BMX: variants seen among roughly 807,000 people sequenced by gnomAD.
The protein encoded by BMX is BMX non-receptor tyrosine kinase.
Under a neutral mutation model 59.2 loss-of-function variants are expected in BMX, and 31 were observed. The ratio of observed to expected loss-of-function variants is 0.52; its 90% confidence interval spans 0.39 to 0.71. The LOEUF (loss-of-function observed/expected upper bound fraction) is 0.71. Among genes scored for constraint, BMX ranks in the 30% least tolerant of loss-of-function variants. The pLI is 0.00. For missense variants in BMX, 474 were observed against 491.7 expected, an observed-to-expected ratio of 0.96 and a Z score of 0.34; for synonymous variants, 185 against 181.0, an observed-to-expected ratio of 1.02 and a Z score of -0.18.
At chrX:15,547,031 A>C in intron 17 of BMX, 110 bp downstream of exon 17, 1 of 614,568 alleles carries the variant, frequency 1.6e-6, no homozygotes, top group Admixed American at 3.0e-5. Context: ...AACACTTACG[A>C]AGTTACACAT....
At chrX:15,508,521 T>C (rs755435627) in intron 2 of BMX, 30 bp downstream of exon 2, 1 of 1,084,564 alleles carries the variant, frequency 9.2e-7, no homozygotes, top group Non-Finnish European at 1.2e-6. Flanking sequence ...ATTATTTTTA[T>C]ACTATTTATT....
Position 15,500,852 on chromosome X carries a change from T to A in BMX, c.-98T>A. The A allele has an allele frequency of 4.0e-6, 3 of 754,008 alleles. No homozygotes were observed. The highest frequency in any genetic ancestry group is 4.7e-6 in the Non-Finnish European group (3 of 639,346). 62.1% of individuals were successfully genotyped at this position (754,008 alleles called of 1,213,427 possible). A position where few individuals can be genotyped will look rare whatever the true frequency, so the allele number is the denominator to read the frequency against. On this transcript the variant is annotated 5_prime_UTR_variant, in exon 1 of 19. Transcript: ENST00000348343. ...CCAGGAAAATGTGAAACAATTTGCT[T>A]CTGGAAACAGGACAGCCGGGGCCGT...
intron 14 of BMX, among the ~76,000 whole-genome samples, chrX:15,540,141 T>C (rs1925587579): frequency 8.9e-6 from 1 of 112,152 alleles, no homozygotes; most frequent in African/African-American, 3.2e-5. Context: ...CATATGTGTA[T>C]TGCAGCACTA....
At chrX:15,549,655 A>G (rs939256754) in intron 17 of BMX, among the ~76,000 whole-genome samples, 185 bp from the exon 18 acceptor site, 6 of 112,221 alleles carry the variant, frequency 5.3e-5, no homozygotes, top group Non-Finnish European at 7.5e-5. Context: ...CCCAGGCTCC[A>G]GAAGCAATGG....
chrX:15,550,336 C>T, intron 18 of BMX, among the ~76,000 whole-genome samples: 1 of 111,163 alleles, frequency 9.0e-6, no homozygotes, highest in Non-Finnish European at 1.9e-5. Context: ...GGTCACATAG[C>T]TAGTAAGAAG....
intron 1 of BMX, chrX:15,507,256 T>G: frequency 1.2e-5 from 8 of 640,664 alleles, no homozygotes; most frequent in Non-Finnish European, 1.5e-5. Flanking sequence ...TCAAGACTGA[T>G]GAGTGGGATG....
chrX:15,525,810 C>T (rs1243816920), intron 8 of BMX, among the ~76,000 whole-genome samples: 1 of 112,293 alleles, frequency 8.9e-6, no homozygotes, highest in African/African-American at 3.2e-5. Flanking sequence ...TGGGGATCTC[C>T]TGTATCAAAG....
chrX:15,525,938 T>G, intron 8 of BMX, 104 bp from the exon 9 acceptor site: 1 of 658,028 alleles, frequency 1.5e-6, no homozygotes, highest in Non-Finnish European at 2.4e-6. Flanking sequence ...CTAAATGTTA[T>G]TTAGGTGGAT....
intron 4 of BMX, among the ~76,000 whole-genome samples, chrX:15,513,559 G>A (rs928138482): frequency 9.0e-6 from 1 of 111,711 alleles, no homozygotes; most frequent in Admixed American, 9.5e-5. Flanking sequence ...TGCCTTTTGT[G>A]TCTATTATTT....
At chrX:15,554,218 T>C (rs1169151520) in intron 18 of BMX, among the ~76,000 whole-genome samples, 1 of 112,377 alleles carries the variant, frequency 8.9e-6, no homozygotes, top group Non-Finnish European at 1.9e-5. Flanking sequence ...AGGCGTTGCC[T>C]CACTAGCAAT....
At chrX:15,510,394 G>A (rs1365822444) in intron 3 of BMX, among the ~76,000 whole-genome samples, 1 of 111,589 alleles carries the variant, frequency 9.0e-6, no homozygotes, top group Admixed American at 9.5e-5. Flanking sequence ...AATATTACCA[G>A]GCCAGGCACA....
At chrX:15,507,941 C>T (rs973426116) in intron 1 of BMX, among the ~76,000 whole-genome samples, 2 of 111,155 alleles carry the variant, frequency 1.8e-5, no homozygotes, top group Non-Finnish European at 1.9e-5. Flanking sequence ...AATTACAGGC[C>T]GTTACTTCAT....
chrX:15,541,385 T>G (rs1179489658), intron 14 of BMX, among the ~76,000 whole-genome samples: 1 of 110,839 alleles, frequency 9.0e-6, no homozygotes, highest in Admixed American at 9.6e-5. Flanking sequence ...TAAAAAAAAA[T>G]CTGAGTGTCC....
At chrX:15,519,139 A>C (rs761273374) in intron 6 of BMX, among the ~76,000 whole-genome samples, 5 of 111,746 alleles carry the variant, frequency 4.5e-5, no homozygotes, top group South Asian at 3.8e-4. Flanking sequence ...GAGCCTCCTC[A>C]AATGCCAGGA....
At chrX:15,502,905 C>G (rs1292140586) in intron 1 of BMX, among the ~76,000 whole-genome samples, 1 of 111,529 alleles carries the variant, frequency 9.0e-6, no homozygotes, top group African/African-American at 3.3e-5. Flanking sequence ...TCCCACCCCA[C>G]TTGGAGCGTC....
intron 14 of BMX, among the ~76,000 whole-genome samples, chrX:15,541,705 C>T (rs748979268): frequency 2.7e-5 from 3 of 111,622 alleles, no homozygotes; most frequent in African/African-American, 9.7e-5. Context: ...ACCATTGCTA[C>T]CCTGATTCTC....
At chrX:15,512,491 A>G (rs1006725390) in intron 4 of BMX, among the ~76,000 whole-genome samples, 1 of 111,664 alleles carries the variant, frequency 9.0e-6, no homozygotes, top group African/African-American at 3.3e-5. Flanking sequence ...CCTTTGCATA[A>G]AAAGGTTTAG....
At chrX:15,520,197 A>G (rs1322867189) in intron 6 of BMX, among the ~76,000 whole-genome samples, 1 of 112,545 alleles carries the variant, frequency 8.9e-6, no homozygotes, top group Non-Finnish European at 1.9e-5. Flanking sequence ...TGGTAGCCCT[A>G]GGAAACAATT....
chrX:15,511,360 G>T lies in BMX; in HGVS notation c.244-77G>T. 20 of 850,182 alleles carry T rather than the reference G, an allele frequency of 2.4e-5. No homozygotes were observed. The South Asian group carries it at 3.7e-4, about 16-fold the overall frequency. 70.1% of individuals were successfully genotyped at this position (850,182 alleles called of 1,213,427 possible). A position where few individuals can be genotyped will look rare whatever the true frequency, so the allele number is the denominator to read the frequency against. ...AGCAAACTCAAGGTTTCTTTTGGATGACAAAAAATTTGCAGGTGCACCAAA... is the reference window on the plus strand; with the variant it reads ...AGCAAACTCAAGGTTTCTTTTGGATTACAAAAAATTTGCAGGTGCACCAAA... On this transcript the variant is annotated intron_variant, in intron 3 of 18. Coordinates refer to ENST00000348343, the MANE Select transcript of BMX (RefSeq NM_203281.3).
Sources: allele counts gnomAD v4.1 joint callset (sites outside exome capture counted in the v4.1 genomes callset), GRCh38; gene constraint gnomAD v4.1.1; transcripts MANE v1.5; gene names NCBI Gene and HGNC (gene_info 2026-07-23, HGNC 2026-07-21).